OPCML: variants seen among roughly 807,000 people sequenced by gnomAD.
OPCML encodes opioid-binding protein/cell adhesion molecule.
In OPCML, 13 loss-of-function variants were observed where a neutral mutation model predicts 37.8. The ratio of observed to expected loss-of-function variants is 0.34; its 90% CI spans 0.22 to 0.55. OPCML has a LOEUF of 0.55. Ranked by LOEUF, OPCML falls within the 20% of genes least tolerant of loss-of-function variation. The probability of loss-of-function intolerance (pLI) is 0.91; values close to 1 mark genes in which losing one functional copy is unlikely to be tolerated. For missense variants in OPCML, 341 were observed against 435.6 expected, an observed-to-expected ratio of 0.78 and a Z score of 1.93; for synonymous variants, 176 against 168.8, an observed-to-expected ratio of 1.04 and a Z score of -0.33.
intron 3 of OPCML, among the ~76,000 whole-genome samples, chr11:132,640,841 G>T (rs1940811808): frequency 6.6e-6 from 1 of 152,182 alleles, no homozygotes; most frequent in Admixed American, 6.5e-5. Context: ...GCGCTGCAGG[G>T]TGCACTAAAG....
At chr11:133,483,795 TGATAGATAGATA>T (rs61121084) in intron 1 of OPCML, among the ~76,000 whole-genome samples, 2 of 132,346 alleles carry the variant, frequency 1.5e-5, no homozygotes, top group Non-Finnish European at 3.2e-5. Flanking sequence ...GATACATAGA[TGATAGATAGATA>T]GATAGATAGA....
At chr11:133,017,814 A>G (rs1263071651) in intron 1 of OPCML, among the ~76,000 whole-genome samples, 3 of 152,242 alleles carry the variant, frequency 2.0e-5, no homozygotes, top group African/African-American at 7.2e-5. Context: ...AGGAATAGTA[A>G]CATACACACT....
intron 4 of OPCML, among the ~76,000 whole-genome samples, chr11:132,449,572 G>C (rs2096063568): frequency 6.6e-6 from 1 of 152,144 alleles, no homozygotes; most frequent in African/African-American, 2.4e-5. Flanking sequence ...GAGCAACCAG[G>C]AAAGGGGCTG....
At chr11:133,249,926 G>A (rs1439595539) in intron 1 of OPCML, among the ~76,000 whole-genome samples, 1 of 152,194 alleles carries the variant, frequency 6.6e-6, no homozygotes, top group Non-Finnish European at 1.5e-5. Context: ...CTAGACCAGG[G>A]CTTAAGCCAA....
intron 2 of OPCML, among the ~76,000 whole-genome samples, chr11:132,724,613 G>A (rs1944807979): frequency 6.6e-6 from 1 of 152,130 alleles, no homozygotes; most frequent in Non-Finnish European, 1.5e-5. Flanking sequence ...CTTCCCAAGA[G>A]TTTCTCAAAG....
chr11:133,053,850 T>C (rs1948174999), intron 1 of OPCML, among the ~76,000 whole-genome samples: 1 of 152,200 alleles, frequency 6.6e-6, no homozygotes, highest in Admixed American at 6.5e-5. Flanking sequence ...TCTCAAGTCC[T>C]TCAATCTAAC....
At chr11:133,431,818 A>C (rs140524822) in intron 1 of OPCML, among the ~76,000 whole-genome samples, 1,787 of 148,208 alleles carry the variant, frequency 0.012, 28 homozygotes, top group East Asian at 0.055. Context: ...TAATATATAT[A>C]ATAAATATAC....
intron 1 of OPCML, among the ~76,000 whole-genome samples, chr11:133,349,513 G>C (rs1015482087): frequency 6.6e-6 from 1 of 152,156 alleles, no homozygotes; most frequent in South Asian, 2.1e-4. Flanking sequence ...GGTCTATCCT[G>C]CATGGTGATA....
At chr11:132,771,236 C>T (rs557143897) in intron 2 of OPCML, among the ~76,000 whole-genome samples, 1 of 152,252 alleles carries the variant, frequency 6.6e-6, no homozygotes, top group South Asian at 2.1e-4. Context: ...AACATTTAAC[C>T]ACTATGCTTT....
chr11:133,037,591 G>A (rs1591937592), intron 1 of OPCML, among the ~76,000 whole-genome samples: 1 of 152,164 alleles, frequency 6.6e-6, no homozygotes, highest in South Asian at 2.1e-4. Context: ...GAGAGCGAGT[G>A]AAATTTATAC....
chr11:133,342,765 C>T (rs1206460841), intron 1 of OPCML, among the ~76,000 whole-genome samples: 3 of 152,084 alleles, frequency 2.0e-5, no homozygotes, highest in African/African-American at 4.8e-5. Flanking sequence ...TGCTGGCTTC[C>T]GAGAAGGCCG....
At chr11:132,480,043 A>G (rs2096173767) in intron 4 of OPCML, among the ~76,000 whole-genome samples, 1 of 152,242 alleles carries the variant, frequency 6.6e-6, no homozygotes, top group Non-Finnish European at 1.5e-5. Flanking sequence ...AGCTGAGAGA[A>G]GAAGGCTTCA....
chr11:132,819,855 G>A (rs1198791479), intron 2 of OPCML, among the ~76,000 whole-genome samples: 4 of 152,166 alleles, frequency 2.6e-5, no homozygotes, highest in Non-Finnish European at 4.4e-5. Flanking sequence ...ACACATGTTT[G>A]TAAGTGGAGG....
At chr11:133,340,443 T>C (rs187383934) in intron 1 of OPCML, among the ~76,000 whole-genome samples, 4 of 152,298 alleles carry the variant, frequency 2.6e-5, no homozygotes, top group African/African-American at 9.6e-5. Context: ...CCTGTACTTT[T>C]CCCCACCTCC....
chr11:132,524,628 T>C (rs761376305), intron 4 of OPCML, among the ~76,000 whole-genome samples: 12 of 152,176 alleles, frequency 7.9e-5, no homozygotes, highest in Non-Finnish European at 1.3e-4. Flanking sequence ...TCACAACACT[T>C]AATCATGATC....
intron 1 of OPCML, among the ~76,000 whole-genome samples, chr11:133,280,930 G>A (rs1942132512): frequency 6.6e-6 from 1 of 152,134 alleles, no homozygotes; most frequent in Non-Finnish European, 1.5e-5. Flanking sequence ...CTGCCCCTTG[G>A]TACCTTTCCT....
chr11:133,018,532 T>A (rs1947381657), intron 1 of OPCML, among the ~76,000 whole-genome samples: 1 of 152,066 alleles, frequency 6.6e-6, no homozygotes, highest in South Asian at 2.1e-4. Flanking sequence ...CTTTTGTAGA[T>A]CGGAAAATCC....
intron 2 of OPCML, among the ~76,000 whole-genome samples, chr11:132,882,091 G>C (rs1037646548): frequency 6.6e-6 from 1 of 152,130 alleles, no homozygotes; most frequent in African/African-American, 2.4e-5. Context: ...TTCAGGCTGG[G>C]GACATTTCAA....
intron 1 of OPCML, among the ~76,000 whole-genome samples, chr11:133,528,717 T>C (rs1948540293): frequency 6.6e-6 from 1 of 152,160 alleles, no homozygotes; most frequent in African/African-American, 2.4e-5. Context: ...CAAAGCCTGT[T>C]TAAGGTGCAA....
Sources: gnomAD v4.1 joint callset for allele counts (sites outside exome capture counted in the v4.1 genomes callset) on GRCh38, gnomAD v4.1.1 for gene constraint, MANE v1.5 for transcripts, NCBI Gene and HGNC (gene_info 2026-07-23, HGNC 2026-07-21) for gene names.